DPP10: variants seen among roughly 807,000 people sequenced by gnomAD.
DPP10 encodes the protein inactive dipeptidyl peptidase 10.
A neutral mutation model predicts 120.9 loss-of-function variants in DPP10; 33 were observed. The ratio of observed to expected loss-of-function variants is 0.27; its 90% CI spans 0.21 to 0.37. The LOEUF (loss-of-function observed/expected upper bound fraction) is 0.37. Among genes scored for constraint, DPP10 ranks in the 10% least tolerant of loss-of-function variants. The pLI, the probability that DPP10 is intolerant of heterozygous loss-of-function variation, is 1.00. For missense variants in DPP10, 816 were observed against 942.8 expected (o/e 0.87, Z 1.76); for synonymous variants, 337 against 326.1 (o/e 1.03, Z -0.36).
chr2:115,497,336 G>A (rs993039243), intron 3 of DPP10, among the ~76,000 whole-genome samples: 2 of 152,174 alleles, frequency 1.3e-5, no homozygotes, highest in East Asian at 1.9e-4. Context: ...CCAATGGTTC[G>A]CTTGGCCAAT....
At chr2:114,990,434 C>A (rs1700691899) in intron 1 of DPP10, among the ~76,000 whole-genome samples, 1 of 151,828 alleles carries the variant, frequency 6.6e-6, no homozygotes, top group Non-Finnish European at 1.5e-5. Flanking sequence ...TCTTTTCAGC[C>A]ATCTATCTAT....
chr2:115,261,265 T>G (rs2059239422), intron 1 of DPP10, among the ~76,000 whole-genome samples: 2 of 152,210 alleles, frequency 1.3e-5, no homozygotes, highest in Admixed American at 1.3e-4. Context: ...TTTCTTTTTC[T>G]TAAGTCGGCT....
intron 1 of DPP10, among the ~76,000 whole-genome samples, chr2:115,286,540 T>TATATATAA (rs1559367032): frequency 1.9e-5 from 2 of 107,342 alleles, no homozygotes; most frequent in South Asian, 2.7e-4. Flanking sequence ...TATATATATA[T>TATATATAA]AAAATATATA....
chr2:115,611,635 A>C (rs539898671), intron 5 of DPP10, among the ~76,000 whole-genome samples: 1 of 152,282 alleles, frequency 6.6e-6, no homozygotes, highest in African/African-American at 2.4e-5. Context: ...ACAGAAGAGA[A>C]TGTTATAGAA....
chr2:115,017,739 C>T (rs1702757742), intron 1 of DPP10, among the ~76,000 whole-genome samples: 1 of 151,466 alleles, frequency 6.6e-6, no homozygotes, highest in Non-Finnish European at 1.5e-5. Flanking sequence ...TCATTCTCAG[C>T]AAACTATCGC....
chr2:115,661,989 A>T (rs2149411245), intron 5 of DPP10, among the ~76,000 whole-genome samples: 1 of 152,256 alleles, frequency 6.6e-6, no homozygotes, highest in East Asian at 1.9e-4. Context: ...CAGAATTAAA[A>T]TTTTATGCCC....
At chr2:115,332,841 C>G (rs1394554405) in intron 2 of DPP10, among the ~76,000 whole-genome samples, 4 of 152,046 alleles carry the variant, frequency 2.6e-5, no homozygotes, top group African/African-American at 9.7e-5. Context: ...AGCATTCCTT[C>G]CAAGTATGTG....
At chr2:114,965,625 A>T (rs1388497856) in intron 1 of DPP10, among the ~76,000 whole-genome samples, 2 of 152,124 alleles carry the variant, frequency 1.3e-5, no homozygotes, top group Non-Finnish European at 2.9e-5. Context: ...GGGAGTAAGT[A>T]TGGACAGAGT....
chr2:115,009,702 C>T (rs1399691697), intron 1 of DPP10, among the ~76,000 whole-genome samples: 6 of 152,018 alleles, frequency 3.9e-5, no homozygotes, highest in Admixed American at 2.0e-4. Context: ...GTGCAGCAAA[C>T]CACCAAGGTG....
At chr2:115,591,103 G>C (rs553202838) in intron 5 of DPP10, among the ~76,000 whole-genome samples, 112 of 152,224 alleles carry the variant, frequency 7.4e-4, no homozygotes, top group African/African-American at 2.6e-3. Flanking sequence ...CCATTCTGTA[G>C]GTTGCCTGTT....
chr2:114,486,656 G>A (rs1452405816), intron 1 of DPP10, among the ~76,000 whole-genome samples: 1 of 152,038 alleles, frequency 6.6e-6, no homozygotes, highest in Non-Finnish European at 1.5e-5. Flanking sequence ...CAAAGGACTT[G>A]TAGTTCTGTA....
chr2:115,124,223 T>C (rs1000613816), intron 1 of DPP10, among the ~76,000 whole-genome samples: 2 of 152,174 alleles, frequency 1.3e-5, no homozygotes, highest in African/African-American at 4.8e-5. Flanking sequence ...ATTGCAGGCA[T>C]AAGCCATCAT....
At chr2:115,493,637 G>T (rs898979832) in intron 3 of DPP10, among the ~76,000 whole-genome samples, 2 of 151,410 alleles carry the variant, frequency 1.3e-5, no homozygotes, top group South Asian at 2.1e-4. Context: ...GTGGTTCAAA[G>T]TCAAGAGAAG....
chr2:115,025,764 CT>C (rs928603430), intron 1 of DPP10, among the ~76,000 whole-genome samples: 5 of 151,818 alleles, frequency 3.3e-5, no homozygotes, highest in Admixed American at 6.6e-5. Flanking sequence ...TGATGTTGAG[CT>C]TTTTTTTATA....
intron 5 of DPP10, among the ~76,000 whole-genome samples, chr2:115,683,787 T>C (rs1284718791): frequency 1.3e-5 from 2 of 151,968 alleles, no homozygotes; most frequent in Admixed American, 6.6e-5. Flanking sequence ...GGTGGTGCAA[T>C]TGAAGAATGG....
At chr2:115,409,394 G>A (rs2068767543) in intron 3 of DPP10, among the ~76,000 whole-genome samples, 1 of 152,060 alleles carries the variant, frequency 6.6e-6, no homozygotes, top group South Asian at 2.1e-4. Flanking sequence ...TATACAAATG[G>A]CCAACAAAAG....
intron 1 of DPP10, among the ~76,000 whole-genome samples, chr2:114,605,861 G>C (rs1394508891): frequency 6.6e-6 from 1 of 152,074 alleles, no homozygotes; most frequent in Non-Finnish European, 1.5e-5. Flanking sequence ...CAAGAACTGG[G>C]CTTGGGTGTT....
chr2:115,024,683 A>G (rs1290386190), intron 1 of DPP10, among the ~76,000 whole-genome samples: 2 of 148,160 alleles, frequency 1.3e-5, no homozygotes, highest in Admixed American at 1.4e-4. Context: ...ATATAGAGAG[A>G]CAGAACCTTA....
In DPP10 at chr2:115,587,986, G is replaced by C. The variant is rs114818949; in HGVS notation, c.441+62014G>C. On this transcript the variant is annotated intron_variant, in intron 5 of 25. Transcript: ENST00000410059. ...ATCCAAAACACAAATATTTATTGTA[G>C]TTGGTCATATTTTGCTTAGGTATTT... 9.0e-3 allele frequency among the ~76,000 whole-genome samples: 1,372 copies of C among 152,218 alleles called. 5 individuals are homozygous for C. Among genetic ancestry groups the C allele is most frequent in the Non-Finnish European group, 0.015 (1,053 of 67,998 alleles).
Sources: allele counts gnomAD v4.1 joint callset (sites outside exome capture counted in the v4.1 genomes callset), GRCh38; gene constraint gnomAD v4.1.1; transcripts MANE v1.5; gene names NCBI Gene and HGNC (gene_info 2026-07-23, HGNC 2026-07-21).